Variants in ZC3H3 observed in about 807,000 individuals in gnomAD.
ZC3H3 encodes zinc finger CCCH domain-containing protein 3.
ZC3H3 carries 36 observed loss-of-function variants against 77.3 expected under a neutral mutation model. That is an observed-to-expected ratio of 0.47 (90% confidence interval 0.36 to 0.61). The LOEUF (loss-of-function observed/expected upper bound fraction) is 0.61. ZC3H3 is among the 20% of genes least tolerant of loss of function. The probability of loss-of-function intolerance (pLI) is 0.00; values close to 1 mark genes in which losing one functional copy is unlikely to be tolerated. For missense variants in ZC3H3, 1,331 were observed against 1,312.2 expected (o/e 1.01, Z -0.22); for synonymous variants, 626 against 555.2 (o/e 1.13, Z -1.79).
chr8:143,468,237 G>C lies in ZC3H3; in HGVS notation c.2147C>G (p.Pro716Arg). ...CTCCTTGGACACATGGTGGGAGAAG[G>C]GGCAGGTCCCATCCGTTTTCTTGCA... ...GTCKKTDGTC[P>R]FSHHVSKEKM... The change falls in exon 8 of 12, where the codon CCC (proline) becomes CGC (arginine). Residue 716 changes from proline to arginine, a missense_variant. By Grantham distance (103) the Pro-to-Arg change is moderately radical (BLOSUM62 -2). Transcript: ENST00000262577. The C allele has an allele frequency of 6.2e-7, 1 of 1,613,052 alleles. No individual in the cohort carries two copies. Among genetic ancestry groups the C allele is most frequent in the Non-Finnish European group, 8.5e-7 (1 of 1,179,932 alleles).
intron 4 of ZC3H3, among the ~76,000 whole-genome samples, chr8:143,495,739 C>T (rs1480448872): frequency 6.7e-6 from 1 of 149,876 alleles, no homozygotes; most frequent in Admixed American, 6.7e-5. Flanking sequence ...TGCCACCATG[C>T]CTGGCTAATT....
At chr8:143,507,635 C>G in intron 4 of ZC3H3, 111 bp downstream of exon 4, 1 of 1,297,786 alleles carries the variant, frequency 7.7e-7, no homozygotes, top group Non-Finnish European at 1.0e-6. Flanking sequence ...CCAAGCAGTT[C>G]TGGGATGTGC....
intron 3 of ZC3H3, among the ~76,000 whole-genome samples, chr8:143,523,956 C>G (rs1249491455): frequency 6.6e-6 from 1 of 152,238 alleles, no homozygotes; most frequent in Non-Finnish European, 1.5e-5. Flanking sequence ...CCAAGGCCAG[C>G]CAAGCCCCCG....
At chr8:143,521,567 A>C (rs1266976838) in intron 3 of ZC3H3, among the ~76,000 whole-genome samples, 1 of 151,976 alleles carries the variant, frequency 6.6e-6, no homozygotes, top group East Asian at 1.9e-4. Context: ...CACGCCTGCA[A>C]CCCTCCAGAG....
chr8:143,468,737 G>C, intron 5 of ZC3H3, 78 bp from the exon 6 acceptor site: 1 of 1,487,618 alleles, frequency 6.7e-7, no homozygotes, highest in East Asian at 2.5e-5. Context: ...CCCCTTAGTC[G>C]AGGCCCTCAG....
intron 9 of ZC3H3, among the ~76,000 whole-genome samples, chr8:143,455,420 C>T (rs1251272679): frequency 1.3e-5 from 2 of 151,920 alleles, no homozygotes; most frequent in Admixed American, 1.3e-4. Context: ...CGCTTGAACC[C>T]GGAAGGCAGA....
At chr8:143,541,259 C>T in intron 1 of ZC3H3, 117 bp downstream of exon 1, 7 of 1,548,490 alleles carry the variant, frequency 4.5e-6, no homozygotes, top group Non-Finnish European at 6.1e-6. Context: ...TCCCCCACCC[C>T]AGCCGCCACC....
intron 3 of ZC3H3, among the ~76,000 whole-genome samples, chr8:143,513,605 C>T (rs911175680): frequency 1.2e-4 from 19 of 152,216 alleles, no homozygotes; most frequent in African/African-American, 4.3e-4. Context: ...CATTTCAGAC[C>T]GTGACATATG....
intron 3 of ZC3H3, among the ~76,000 whole-genome samples, 171 bp from the exon 4 acceptor site, chr8:143,508,070 C>A (rs546538013): frequency 6.6e-6 from 1 of 152,372 alleles, no homozygotes; most frequent in Non-Finnish European, 1.5e-5. Flanking sequence ...ATCCCCAGGG[C>A]GCCTGGCAGC....
chr8:143,529,004 CG>C (rs964388908), intron 3 of ZC3H3, among the ~76,000 whole-genome samples: 2 of 152,218 alleles, frequency 1.3e-5, no homozygotes, highest in African/African-American at 4.8e-5. Context: ...CCCATGGTGG[CG>C]GGGTGGCTGG....
At chr8:143,483,147 G>A (rs117180954) in intron 4 of ZC3H3, among the ~76,000 whole-genome samples, 2,160 of 152,368 alleles carry the variant, frequency 0.014, 28 homozygotes, top group Non-Finnish European at 0.022. Flanking sequence ...GAGCGGCCGG[G>A]GGGAGGCGGC....
At chr8:143,537,870 C>T in intron 2 of ZC3H3, 133 bp downstream of exon 2, 4 of 1,026,218 alleles carry the variant, frequency 3.9e-6, no homozygotes, top group South Asian at 3.1e-5. Context: ...AGCAGCACTT[C>T]CTGCCTCATT....
At chr8:143,527,696 TA>T (rs1419605724) in intron 3 of ZC3H3, among the ~76,000 whole-genome samples, 19 of 152,058 alleles carry the variant, frequency 1.2e-4, no homozygotes, top group African/African-American at 4.3e-4. Flanking sequence ...TTCACCGCAG[TA>T]AAATTGAACA....
intron 4 of ZC3H3, among the ~76,000 whole-genome samples, chr8:143,480,311 T>A (rs1202033996): frequency 6.6e-6 from 1 of 152,084 alleles, no homozygotes; most frequent in Non-Finnish European, 1.5e-5. Context: ...CTCCCGGGCC[T>A]GCAAGCCCTG....
At chr8:143,534,200 G>A (rs1426887864) in intron 3 of ZC3H3, among the ~76,000 whole-genome samples, 2 of 150,872 alleles carry the variant, frequency 1.3e-5, no homozygotes, top group African/African-American at 4.8e-5. Flanking sequence ...GAGCCCAGGA[G>A]GTTGAGGCTG....
Position 143,443,042 on chromosome 8 carries a change from C to T in ZC3H3, c.2308-1922G>A, listed in dbSNP as rs181197428. Among the ~76,000 whole-genome samples, 141 of 152,142 alleles carry T rather than the reference C, an allele frequency of 9.3e-4. 1 individual carries two copies. In the East Asian group the frequency reaches 0.021, roughly 22 times the overall value. On this transcript the variant is annotated intron_variant, in intron 9 of 11. Coordinates refer to ENST00000262577, the MANE Select transcript of ZC3H3 (RefSeq NM_015117.3). Reference sequence around the variant, plus strand: ...AATTCCAGCACTTTGGGAGCAAAAGCGGGTGGATCACTTGAGGTCAGGAAT... The same window carrying T: ...AATTCCAGCACTTTGGGAGCAAAAGTGGGTGGATCACTTGAGGTCAGGAAT...
intron 4 of ZC3H3, among the ~76,000 whole-genome samples, chr8:143,495,852 T>C (rs998585977): frequency 6.6e-6 from 1 of 151,578 alleles, no homozygotes; most frequent in Non-Finnish European, 1.5e-5. Flanking sequence ...TCCTCCTGTC[T>C]CAGCCTCCCA....
At chr8:143,447,445 G>C (rs147067579) in intron 9 of ZC3H3, among the ~76,000 whole-genome samples, 11 of 152,206 alleles carry the variant, frequency 7.2e-5, no homozygotes, top group Non-Finnish European at 1.2e-4. Flanking sequence ...ACAGAAAACA[G>C]CATCAGGGAA....
At chr8:143,534,004 C>T (rs1822708117) in intron 3 of ZC3H3, among the ~76,000 whole-genome samples, 1 of 151,284 alleles carries the variant, frequency 6.6e-6, no homozygotes, top group South Asian at 2.1e-4. Context: ...ATGAGTTTGG[C>T]TGGGCACAGT....
Sources: allele counts gnomAD v4.1 joint callset (sites outside exome capture counted in the v4.1 genomes callset), GRCh38; gene constraint gnomAD v4.1.1; transcripts MANE v1.5; gene names NCBI Gene and HGNC (gene_info 2026-07-23, HGNC 2026-07-21).